STAU2: variants seen among roughly 807,000 people sequenced by gnomAD.
The protein encoded by STAU2 is staufen double-stranded RNA binding protein 2.
A neutral mutation model predicts 65.9 loss-of-function variants in STAU2; 20 were observed. The observed-to-expected ratio is 0.30, with a 90% CI of 0.21 to 0.44. The LOEUF (loss-of-function observed/expected upper bound fraction) is 0.44. Ranked by LOEUF, STAU2 falls within the 20% of genes least tolerant of loss-of-function variation. The probability of loss-of-function intolerance (pLI) is 1.00; values close to 1 mark genes in which losing one functional copy is unlikely to be tolerated. For synonymous variants in STAU2, 232 were observed against 233.9 expected (o/e 0.99, Z 0.07); for missense variants, 558 against 683.9 (o/e 0.82, Z 2.05).
chr8:73,606,445 T>A (rs1435042572), intron 9 of STAU2, among the ~76,000 whole-genome samples: 1 of 152,112 alleles, frequency 6.6e-6, no homozygotes, highest in Non-Finnish European at 1.5e-5. Context: ...AAAATTTAAA[T>A]AAACACTTCA....
At chr8:73,590,134 T>C (rs1422620466) in intron 11 of STAU2, among the ~76,000 whole-genome samples, 1 of 105,122 alleles carries the variant, frequency 9.5e-6, no homozygotes, top group Non-Finnish European at 1.8e-5. Context: ...AGAGAAGAAA[T>C]GAGAAGAAGG....
At chr8:73,607,597 C>T (rs1387888685) in intron 9 of STAU2, among the ~76,000 whole-genome samples, 1 of 151,720 alleles carries the variant, frequency 6.6e-6, no homozygotes, top group Admixed American at 6.6e-5. Context: ...ATTAGCCGGG[C>T]ATGGTGGCAC....
chr8:73,479,428 T>C (rs1177108734), intron 13 of STAU2, among the ~76,000 whole-genome samples: 2 of 148,738 alleles, frequency 1.3e-5, no homozygotes, highest in African/African-American at 5.0e-5. Context: ...TTCCTCTAGC[T>C]GTTCATTCAA....
intron 1 of STAU2, among the ~76,000 whole-genome samples, chr8:73,744,403 G>A (rs1807128275): frequency 6.7e-6 from 1 of 149,736 alleles, no homozygotes; most frequent in South Asian, 2.1e-4. Context: ...ATTATGATCT[G>A]TACCTATAAA....
At chr8:73,713,109 C>G (rs1443929858) in intron 3 of STAU2, among the ~76,000 whole-genome samples, 1 of 152,180 alleles carries the variant, frequency 6.6e-6, no homozygotes, top group African/African-American at 2.4e-5. Flanking sequence ...TCTACCTTCA[C>G]TGATACGAAA....
intron 6 of STAU2, among the ~76,000 whole-genome samples, chr8:73,629,094 C>T (rs1188994518): frequency 6.6e-6 from 1 of 152,196 alleles, no homozygotes; most frequent in Admixed American, 6.5e-5. Context: ...TTTAGTCATA[C>T]ATTTGCATAC....
intron 1 of STAU2, among the ~76,000 whole-genome samples, chr8:73,744,461 G>C (rs1304156585): frequency 8.1e-6 from 1 of 123,628 alleles, no homozygotes; most frequent in South Asian, 2.7e-4. Context: ...ATAATAATAG[G>C]AATAAAGAGA....
rs141544834 is a variant in STAU2, at chr8:73,679,560, A to G, written c.275-6318T>C. On this transcript the variant is annotated intron_variant, in intron 5 of 14. Coordinates refer to ENST00000524300, the MANE Select transcript of STAU2 (RefSeq NM_001164380.2). ...TTTAACCTTACCTAGGACTGAAACA[A>G]ATTTAGAGAGCTGAGCGAAATATAA... Among the ~76,000 whole-genome samples, 423 of 152,162 alleles carry G rather than the reference A, an allele frequency of 2.8e-3. 2 individuals carry two copies. The highest frequency in any genetic ancestry group is 0.01 in the Middle Eastern group (3 of 294).
intron 13 of STAU2, among the ~76,000 whole-genome samples, chr8:73,469,298 C>A (rs1819842352): frequency 2.0e-5 from 3 of 151,910 alleles, no homozygotes; most frequent in Admixed American, 2.0e-4. Context: ...CACACCAGGG[C>A]CTGTTGTGGG....
In STAU2 at chr8:73,671,161, T is replaced by C. The variant is rs560266477; in HGVS notation, c.410+1946A>G. ...ACTACTACTTGATGGCCACGTGAGG[T>C]GGCTCATGTCTGCAATCCTAACACT... On this transcript the variant is annotated intron_variant, in intron 6 of 14. Transcript: ENST00000524300. 4.6e-5 allele frequency among the ~76,000 whole-genome samples: 7 copies of C among 152,200 alleles called. No individual in the cohort carries two copies. In the South Asian group the frequency reaches 1.5e-3, roughly 32 times the overall value.
chr8:73,551,262 A>G (rs1807315597), intron 13 of STAU2: 6 of 987,562 alleles, frequency 6.1e-6, no homozygotes, highest in Middle Eastern at 2.8e-4. Context: ...AGAAGGAAAC[A>G]AAGAATAAAT....
intron 13 of STAU2, among the ~76,000 whole-genome samples, chr8:73,491,715 T>C (rs1331326677): frequency 1.3e-5 from 2 of 151,936 alleles, no homozygotes; most frequent in African/African-American, 4.8e-5. Context: ...GTAAAGAACC[T>C]TGAAGATAGC....
At chr8:73,743,614 C>T (rs1198073742) in intron 1 of STAU2, among the ~76,000 whole-genome samples, 1 of 151,664 alleles carries the variant, frequency 6.6e-6, no homozygotes, top group Admixed American at 6.6e-5. Context: ...GCTGCGATTA[C>T]AGGCATGCGC....
intron 13 of STAU2, among the ~76,000 whole-genome samples, chr8:73,491,168 A>G (rs1821135427): frequency 6.6e-6 from 1 of 152,058 alleles, no homozygotes; most frequent in East Asian, 1.9e-4. Flanking sequence ...TGTTGTCACA[A>G]ATAAAAAAAG....
intron 10 of STAU2, among the ~76,000 whole-genome samples, chr8:73,600,279 G>A (rs998720127): frequency 6.6e-6 from 1 of 152,194 alleles, no homozygotes; most frequent in Non-Finnish European, 1.5e-5. Flanking sequence ...ATTCATTACA[G>A]AATTTCTGTA....
At chr8:73,633,842 G>C (rs528109451) in intron 6 of STAU2, among the ~76,000 whole-genome samples, 2 of 152,128 alleles carry the variant, frequency 1.3e-5, no homozygotes, top group East Asian at 3.9e-4. Context: ...TTAGCCAGGC[G>C]TGGTGGTGGG....
intron 10 of STAU2, among the ~76,000 whole-genome samples, chr8:73,601,920 T>A (rs1289036928): frequency 6.6e-6 from 1 of 152,222 alleles, no homozygotes; most frequent in Non-Finnish European, 1.5e-5. Context: ...CCAGAATTCT[T>A]CAAAGTTAAG....
chr8:73,550,743 G>T (rs954069263), intron 13 of STAU2: 1 of 987,216 alleles, frequency 1.0e-6, no homozygotes, highest in Non-Finnish European at 1.2e-6. Context: ...AATTTCAGAT[G>T]ACAGAGCCGA....
intron 13 of STAU2, among the ~76,000 whole-genome samples, chr8:73,487,643 G>A (rs763552877): frequency 1.3e-5 from 2 of 151,948 alleles, no homozygotes; most frequent in African/African-American, 2.4e-5. Flanking sequence ...GCCCACATAA[G>A]GCATCTTGGG....
Sources: allele counts gnomAD v4.1 joint callset (sites outside exome capture counted in the v4.1 genomes callset), GRCh38; gene constraint gnomAD v4.1.1; transcripts MANE v1.5; gene names NCBI Gene and HGNC (gene_info 2026-07-23, HGNC 2026-07-21).